CREBBP: variants seen among roughly 807,000 people sequenced by gnomAD.
CREBBP encodes CREB binding lysine acetyltransferase, also known as CREB-binding protein.
A neutral mutation model predicts 265.0 loss-of-function variants in CREBBP; 19 were observed. The observed-to-expected ratio is 0.07, with a 90% CI of 0.05 to 0.11. The LOEUF (loss-of-function observed/expected upper bound fraction) is 0.11, where lower values mean the gene tolerates loss of function less well. Ranked by LOEUF, CREBBP falls within the 10% of genes least tolerant of loss-of-function variation. CREBBP has a pLI of 1.00. For synonymous variants in CREBBP, 1,457 were observed against 1,223.7 expected (o/e 1.19, Z -3.98); for missense variants, 2,525 against 3,219.0 (o/e 0.78, Z 5.22).
chr16:3,772,327 A>AC (rs1491236288), intron 13 of CREBBP, among the ~76,000 whole-genome samples: 10 of 108,290 alleles, frequency 9.2e-5, no homozygotes, highest in African/African-American at 1.3e-4. Flanking sequence ...TCTGAAACAC[A>AC]AACACACACA....
At chr16:3,861,244 G>A (rs2055066823) in intron 1 of CREBBP, among the ~76,000 whole-genome samples, 1 of 152,130 alleles carries the variant, frequency 6.6e-6, no homozygotes, top group Admixed American at 6.5e-5. Flanking sequence ...ACTCCAGCCT[G>A]GGCAACAAGG....
rs2054789059 is a variant in CREBBP, at chr16:3,849,825, A to T, written c.798+472T>A. Among the ~76,000 whole-genome samples, 3 of 152,044 alleles carry T rather than the reference A, an allele frequency of 2.0e-5. No individual in the cohort carries two copies. The South Asian group carries it at 6.2e-4, about 32-fold the overall frequency. The stretch of plus-strand genomic sequence containing the variant: ...CCACTGCACTGGTGTTTCCTCTGGG[A>T]CCCGAATGCCTGTGCTTCTCCCCGG... On this transcript the variant is annotated intron_variant, in intron 2 of 30. Coordinates refer to ENST00000262367, the MANE Select transcript of CREBBP (RefSeq NM_004380.3).
At chr16:3,739,243 A>C (rs1478996673) in intron 25 of CREBBP, among the ~76,000 whole-genome samples, 1 of 152,198 alleles carries the variant, frequency 6.6e-6, no homozygotes, top group African/African-American at 2.4e-5. Context: ...TCTTGCCCAG[A>C]TTCCTGACTG....
intron 2 of CREBBP, among the ~76,000 whole-genome samples, chr16:3,834,961 A>T (rs2054414421): frequency 6.6e-6 from 1 of 152,154 alleles, no homozygotes; most frequent in Non-Finnish European, 1.5e-5. Flanking sequence ...GATCGAGACC[A>T]TCCTGGCTAA....
intron 2 of CREBBP, among the ~76,000 whole-genome samples, chr16:3,829,616 A>G (rs571574849): frequency 6.6e-6 from 1 of 152,360 alleles, no homozygotes; most frequent in Non-Finnish European, 1.5e-5. Context: ...TCTAAGGAAC[A>G]GGGCTTCAAG....
rs1024711340 is a variant in CREBBP at position 3,726,984 on chromosome 16, A to T, written c.*734T>A. On this transcript the variant is annotated 3_prime_UTR_variant, in exon 31 of 31. Coordinates refer to ENST00000262367, the MANE Select transcript of CREBBP (RefSeq NM_004380.3). The stretch of plus-strand genomic sequence containing the variant: ...TTTCCTCATTTCAAGTTTCACATAG[A>T]AGAAAGAAAAGAAGGCTTCTTCTCT... 1.3e-5 allele frequency: 3 copies of T among 233,218 alleles called. No individual in the cohort carries two copies. The highest frequency in any genetic ancestry group is 2.5e-5 in the Non-Finnish European group (3 of 118,038). 14.4% of individuals were successfully genotyped at this position (233,218 alleles called of 1,614,324 possible).
chr16:3,842,967 C>CAAAAAAAAAAAAAAAAAAA (rs59990532), intron 2 of CREBBP, among the ~76,000 whole-genome samples: 1 of 65,230 alleles, frequency 1.5e-5, no homozygotes, highest in African/African-American at 6.4e-5. Context: ...ACTCCCATCT[C>CAAAAAAAAAAAAAAAAAAA]AAAAAAAAAA....
intron 2 of CREBBP, among the ~76,000 whole-genome samples, chr16:3,839,631 G>A (rs1389550943): frequency 1.4e-5 from 2 of 146,782 alleles, no homozygotes; most frequent in Non-Finnish European, 3.0e-5. Context: ...GCAGTGAGCC[G>A]AGATCACGCC....
chr16:3,854,674 C>T (rs2054922540), intron 1 of CREBBP, among the ~76,000 whole-genome samples: 1 of 152,238 alleles, frequency 6.6e-6, no homozygotes, highest in Admixed American at 6.5e-5. Flanking sequence ...AGAGCTGGCA[C>T]AGGCATTGGG....
intron 1 of CREBBP, among the ~76,000 whole-genome samples, chr16:3,858,905 A>AGTGTAAGAAATAAGC (rs1327442055): frequency 7.9e-5 from 12 of 152,226 alleles, no homozygotes; most frequent in African/African-American, 2.9e-4. Context: ...GAGCAACAGT[A>AGTGTAAGAAATAAGC]GTGTAAGAAA....
intron 2 of CREBBP, among the ~76,000 whole-genome samples, chr16:3,841,288 C>G (rs1200800424): frequency 6.6e-6 from 1 of 151,684 alleles, no homozygotes; most frequent in Non-Finnish European, 1.5e-5. Context: ...TTTAGAAGCC[C>G]AAAGCCAGTG....
At position 3,846,002 on chromosome 16, in the gene CREBBP, A is replaced by G. The variant is rs184455636; in HGVS notation, c.798+4295T>C. On this transcript the variant is annotated intron_variant, in intron 2 of 30. Transcript: ENST00000262367. ...ATGTGACATAAAACCTAAAAGCCAT[A>G]AAGGAAATAAATGGATAAATGTGTT... Among the ~76,000 whole-genome samples the G allele has an allele frequency of 6.7e-4, 102 of 152,298 alleles. 2 individuals are homozygous for G. Among genetic ancestry groups the G allele is most frequent in the African/African-American group, 2.3e-3 (96 of 41,562 alleles).
chr16:3,814,591 T>G (rs530690184), intron 2 of CREBBP, among the ~76,000 whole-genome samples: 1 of 152,228 alleles, frequency 6.6e-6, no homozygotes, highest in South Asian at 2.1e-4. Flanking sequence ...ACCCAGTGTT[T>G]GGAAGCGCTC....
At chr16:3,848,006 TAAA>T (rs1347669412) in intron 2 of CREBBP, among the ~76,000 whole-genome samples, 8 of 151,934 alleles carry the variant, frequency 5.3e-5, no homozygotes, top group Admixed American at 1.3e-4. Context: ...CCGTCTCTAA[TAAA>T]AATATAAAAA....
rs944359051 is a variant in CREBBP, at chr16:3,726,904, C to T, written c.*814G>A. ...ATTCTATACAGTGATTGAATCTTCT[C>T]GAGTTTCGTATTTATAGGAATTAGA... On this transcript the variant is annotated 3_prime_UTR_variant, in exon 31 of 31. Coordinates refer to ENST00000262367, the MANE Select transcript of CREBBP (RefSeq NM_004380.3). 6 of 233,408 alleles carry T rather than the reference C, an allele frequency of 2.6e-5. No homozygotes were observed. Among genetic ancestry groups the T allele is most frequent in the African/African-American group, 4.4e-5 (2 of 45,300 alleles). 14.5% of individuals were successfully genotyped at this position (233,408 alleles called of 1,614,324 possible). A position where few individuals can be genotyped will look rare whatever the true frequency, so the allele number is the denominator to read the frequency against.
intron 2 of CREBBP, among the ~76,000 whole-genome samples, chr16:3,811,268 T>C: frequency 6.6e-6 from 1 of 152,202 alleles, no homozygotes. Context: ...AAAATACACC[T>C]GACCCATGAC....
chr16:3,729,802 G>A lies in CREBBP; in HGVS notation c.5245C>T (p.Leu1749=), dbSNP rs368844792. The A allele has an allele frequency of 4.4e-6, 7 of 1,605,960 alleles. No homozygotes were observed. Among genetic ancestry groups the A allele is most frequent in the Non-Finnish European group, 5.9e-6 (7 of 1,179,862 alleles). ...AHKMVKWGLG[L]DDEGSSQGEP... is the part of the protein sequence containing the mutation. ...CCCTGGCTGCTGCCCTCGTCATCCA[G>A]GCCCAGCCCCCACTTCACCATCTTA... is the stretch of plus-strand genomic sequence containing the variant. Residue 1749 remains leucine (L), a synonymous_variant, in exon 31 of 31, where the codon CTG becomes TTG. Coordinates refer to ENST00000262367, the MANE Select transcript of CREBBP (RefSeq NM_004380.3).
Position 3,772,437 on chromosome 16 carries a change from G to A in CREBBP, c.2463+1314C>T, listed in dbSNP as rs79491180. On this transcript the variant is annotated intron_variant, in intron 13 of 30. Coordinates refer to ENST00000262367, the MANE Select transcript of CREBBP (RefSeq NM_004380.3). ...GGGGATACACTTCAGAATTATTTGT[G>A]AACATTTTAAAAATGATTCTGAATC... Among the ~76,000 whole-genome samples the A allele has an allele frequency of 1.6e-4, 24 of 151,940 alleles. No homozygotes were observed. The East Asian group carries it at 4.3e-3, about 27-fold the overall frequency.
intron 19 of CREBBP, among the ~76,000 whole-genome samples, chr16:3,752,842 A>G (rs939277718): frequency 2.6e-5 from 4 of 152,232 alleles, no homozygotes; most frequent in African/African-American, 9.6e-5. Context: ...CTTGTAAGAC[A>G]ATATAGAGCC....
Sources: gnomAD v4.1 joint callset for allele counts (sites outside exome capture counted in the v4.1 genomes callset) on GRCh38, gnomAD v4.1.1 for gene constraint, MANE v1.5 for transcripts, NCBI Gene and HGNC (gene_info 2026-07-23, HGNC 2026-07-21) for gene names.